The following EEF1D variants were observed in gnomAD, a reference collection of about 807,000 sequenced individuals.
EEF1D encodes the protein eukaryotic translation elongation factor 1 delta, also known as elongation factor 1-delta.
In EEF1D, 47 loss-of-function variants were observed where a neutral mutation model predicts 63.9. The observed-to-expected ratio is 0.74, with a 90% CI of 0.58 to 0.94. EEF1D has a LOEUF of 0.94. Ranked by LOEUF, EEF1D falls within the 40% of genes least tolerant of loss-of-function variation. The pLI is 0.00. For missense variants in EEF1D, 907 were observed against 899.0 expected, an observed-to-expected ratio of 1.01 and a Z score of -0.11; for synonymous variants, 412 against 386.1, an observed-to-expected ratio of 1.07 and a Z score of -0.79.
At chr8:143,587,152 C>T (rs1263378431) in intron 3 of EEF1D, 4 of 229,696 alleles carry the variant, frequency 1.7e-5, no homozygotes, top group Non-Finnish European at 3.4e-5. Flanking sequence ...TATGAGGGCC[C>T]AGCTGCCTCC....
At chr8:143,588,902 G>A in intron 3 of EEF1D, 89 bp downstream of exon 3, 2 of 1,480,580 alleles carry the variant, frequency 1.4e-6, no homozygotes, top group South Asian at 1.3e-5. Context: ...CAGGTGGGCA[G>A]GGGAGGAAGC....
intron 5 of EEF1D, 136 bp from the exon 6 acceptor site, chr8:143,581,464 G>T (rs562878244): frequency 4.4e-5 from 32 of 730,222 alleles, no homozygotes; most frequent in Non-Finnish European, 7.0e-5. Flanking sequence ...CTGATGCCCA[G>T]CTCAAACTTA....
rs1186326352 is a variant in EEF1D at position 143,586,309 on chromosome 8, G to A, written c.1216-19C>T. 2.6e-6 allele frequency: 4 copies of A among 1,527,354 alleles called. No individual in the cohort carries two copies. Among genetic ancestry groups the A allele is most frequent in the Non-Finnish European group, 3.5e-6 (4 of 1,142,312 alleles). 94.6% of individuals were successfully genotyped at this position (1,527,354 alleles called of 1,614,324 possible). ...CGTTCTCCTGCAGACAGTGCAGAAA[G>A]AACCAGTCTTTTTTTTATTATTAAA... On this transcript the variant is annotated intron_variant, in intron 4 of 9. Coordinates refer to ENST00000618139, the MANE Select transcript of EEF1D (RefSeq NM_001130053.5).
At chr8:143,594,099 C>T in intron 1 of EEF1D, 1 of 181,162 alleles carries the variant, frequency 5.5e-6, no homozygotes, top group Non-Finnish European at 1.1e-5. Context: ...AGACAGCTGG[C>T]TGCCAGAGAA....
chr8:143,587,716 T>C (rs1051886313), intron 3 of EEF1D, among the ~76,000 whole-genome samples: 1 of 152,248 alleles, frequency 6.6e-6, no homozygotes, highest in African/African-American at 2.4e-5. Context: ...AGGTTGAGAA[T>C]TGCTGCCCTA....
chr8:143,596,016 C>A (rs543448147), intron 1 of EEF1D: 64 of 152,388 alleles, frequency 4.2e-4, no homozygotes, highest in Non-Finnish European at 6.0e-4. Context: ...TGTCCTCAGC[C>A]CCCAGAAGGC....
chr8:143,580,460 AC>A (rs1461048345), intron 8 of EEF1D, 45 bp downstream of exon 8: 3 of 1,583,870 alleles, frequency 1.9e-6, no homozygotes, highest in Non-Finnish European at 2.6e-6. Context: ...CTAGGCGGGC[AC>A]CAGGGCAGTG....
chr8:143,587,520 G>GT, intron 3 of EEF1D: 1 of 152,246 alleles, frequency 6.6e-6, no homozygotes, highest in Non-Finnish European at 1.5e-5. Flanking sequence ...TAGTAGACAA[G>GT]GTTTCACCAT....
intron 7 of EEF1D, 136 bp from the exon 8 acceptor site, chr8:143,580,863 G>T: frequency 8.4e-7 from 1 of 1,186,986 alleles, no homozygotes; most frequent in Non-Finnish European, 1.2e-6. Context: ...CTGTGTACAT[G>T]CAGGGCCCCA....
chr8:143,581,639 G>C, intron 5 of EEF1D: 1 of 475,746 alleles, frequency 2.1e-6, no homozygotes, highest in Non-Finnish European at 3.8e-6. Context: ...CAGAGGCTGG[G>C]TGGGAGGTGC....
rs368871686 is a variant in EEF1D, at chr8:143,589,888, G to A, written c.194C>T (p.Ala65Val). The A allele has an allele frequency of 1.2e-4, 197 of 1,599,156 alleles. 1 individual carries two copies. Among genetic ancestry groups the A allele is most frequent in the Non-Finnish European group, 1.6e-4 (190 of 1,175,954 alleles). ...DDPEDADEAE[A>V]PDGGSRRDPR... ...ATCACGCCTGCTGCCGCCGTCAGGG[G>A]CTTCCGCCTCATCAGCGTCCTCAGG... Residue 65 changes from alanine to valine, a missense_variant, in exon 3 of 10, where the codon GCC becomes GTC. Transcript: ENST00000618139.
At chr8:143,588,688 G>A in intron 3 of EEF1D, 2 of 447,384 alleles carry the variant, frequency 4.5e-6, no homozygotes, top group Admixed American at 4.1e-5. Flanking sequence ...CAGGGGACTT[G>A]GGGAGCTTCC....
intron 1 of EEF1D, among the ~76,000 whole-genome samples, chr8:143,593,518 C>T (rs189750924): frequency 1.2e-4 from 18 of 152,310 alleles, no homozygotes; most frequent in East Asian, 9.7e-4. Context: ...CCTTCACCAA[C>T]GGGAGCTCCG....
chr8:143,586,769 T>C lies in EEF1D; in HGVS notation c.1175A>G (p.Tyr392Cys). 1 of 1,614,202 alleles carries C rather than the reference T, an allele frequency of 6.2e-7. No homozygotes were observed. Among genetic ancestry groups the C allele is most frequent in the Non-Finnish European group, 8.5e-7 (1 of 1,180,020 alleles). ...TGCCACAGGCCCGTTCATCTGCTCG[T>C]AGAATCTCCTTTCTGCGTCGTCATA... The part of the protein sequence containing the change: ...FKYDDAERRF[Y>C]EQMNGPVAGA... The change falls in exon 4 of 10, where the codon TAC becomes TGC. Residue 392 changes from tyrosine (Y) to cysteine (C), a missense_variant. By Grantham distance (194) the Tyr-to-Cys change is radical. Transcript: ENST00000618139.
Position 143,589,432 on chromosome 8 carries a change from T to A in EEF1D, c.650A>T (p.Asn217Ile). ...CAGGCTGCCCAGCGGGGGCTGGCCA[T>A]TGACCGGTGGGCTGGGCTGGTGGGC... ...DLAHQPSPPV[N>I]GQPPLGSLQA... Residue 217 changes from asparagine to isoleucine, a missense_variant, in exon 3 of 10, where the codon AAT becomes ATT. Physicochemically the swap from Asn to Ile is moderately radical, Grantham distance 149. Coordinates refer to ENST00000618139, the MANE Select transcript of EEF1D (RefSeq NM_001130053.5). The A allele has an allele frequency of 1.3e-6, 2 of 1,529,158 alleles. No individual in the cohort carries two copies. The highest frequency in any genetic ancestry group is 1.8e-6 in the Non-Finnish European group (2 of 1,132,804). 94.7% of individuals were successfully genotyped at this position (1,529,158 alleles called of 1,614,324 possible).
chr8:143,580,835 A>G (rs1825356438), intron 7 of EEF1D, 108 bp from the exon 8 acceptor site: 1 of 1,343,934 alleles, frequency 7.4e-7, no homozygotes, highest in African/African-American at 1.4e-5. Flanking sequence ...GAGGAAGGGC[A>G]GCCCCTGTGT....
intron 2 of EEF1D, among the ~76,000 whole-genome samples, chr8:143,591,049 G>A (rs990112686): frequency 7.9e-5 from 12 of 152,296 alleles, no homozygotes; most frequent in African/African-American, 2.4e-4. Flanking sequence ...GGGGCCAAGC[G>A]CCTGGAGCAC....
Position 143,579,786 on chromosome 8 carries a change from C to G in EEF1D, c.*6G>C. On this transcript the variant is annotated 3_prime_UTR_variant, in exon 10 of 10. Transcript: ENST00000618139. ...ACGCACGCGCGCACGTACACACACTCAGGCTTCAGATCTTGTTGAAAGCTG... is the reference window on the plus strand; with the variant it reads ...ACGCACGCGCGCACGTACACACACTGAGGCTTCAGATCTTGTTGAAAGCTG... 6.4e-7 allele frequency: 1 copy of G among 1,557,930 alleles called. No individual in the cohort carries two copies. The highest frequency in any genetic ancestry group is 8.7e-7 in the Non-Finnish European group (1 of 1,150,686).
At position 143,586,083 on chromosome 8, in the gene EEF1D, C is replaced by T. The variant is rs145452552; in HGVS notation, c.1287+136G>A. The stretch of plus-strand genomic sequence containing the variant: ...CGGGCATGGAGGTCACAGAGCCACA[C>T]GTCCCAAGGAGCACAGCGCCGTGCA... On this transcript the variant is annotated intron_variant, in intron 5 of 9. Coordinates refer to ENST00000618139, the MANE Select transcript of EEF1D (RefSeq NM_001130053.5). 1.2e-3 allele frequency: 829 copies of T among 675,634 alleles called. 1 individual carries two copies. In the African/African-American group the frequency reaches 0.013, roughly 11 times the overall value. The allele number at this position is 675,634 out of a possible 1,614,324, so 41.9% of individuals were successfully genotyped here. A position where few individuals can be genotyped will look rare whatever the true frequency, so the allele number is the denominator to read the frequency against.
Sources: allele counts gnomAD v4.1 joint callset (sites outside exome capture counted in the v4.1 genomes callset), GRCh38; gene constraint gnomAD v4.1.1; transcripts MANE v1.5; gene names NCBI Gene and HGNC (gene_info 2026-07-23, HGNC 2026-07-21).